TCEANC2: variants seen among roughly 807,000 people sequenced by gnomAD.
The protein encoded by TCEANC2 is transcription elongation factor A N-terminal and central domain containing 2.
A neutral mutation model predicts 22.8 loss-of-function variants in TCEANC2; 20 were observed. That is an observed-to-expected ratio of 0.88 (90% CI 0.62 to 1.28). The LOEUF is 1.28. Ranked by LOEUF, TCEANC2 falls within the 50% of genes most tolerant of loss-of-function variation. The pLI is 0.00. For missense variants in TCEANC2, 251 were observed against 249.7 expected (o/e 1.01, Z -0.03); for synonymous variants, 84 against 95.5 (o/e 0.88, Z 0.70).
chr1:54,086,078 A>T (rs1411267048), intron 3 of TCEANC2, among the ~76,000 whole-genome samples: 1 of 152,090 alleles, frequency 6.6e-6, no homozygotes, highest in African/African-American at 2.4e-5. Context: ...TTTCCATCTC[A>T]TAATAAGGTA....
At position 54,080,438 on chromosome 1, in the gene TCEANC2, G is replaced by A. The variant is rs570105925; in HGVS notation, c.245-8159G>A. Among the ~76,000 whole-genome samples the A allele has an allele frequency of 5.0e-3, 759 of 152,266 alleles. 7 individuals are homozygous for A. Among genetic ancestry groups the A allele is most frequent in the Non-Finnish European group, 9.0e-3 (612 of 68,022 alleles). On this transcript the variant is annotated intron_variant, in intron 3 of 4. Coordinates refer to ENST00000234827, the MANE Select transcript of TCEANC2 (RefSeq NM_153035.3). ...TGGGATTACAGGCGTGAGCCACTGC[G>A]CCTGGCTGAGTTATTATTAAGACCA...
At chr1:54,054,668 GC>G in intron 2 of TCEANC2, 144 bp downstream of exon 2, 1 of 796,006 alleles carries the variant, frequency 1.3e-6, no homozygotes, top group Non-Finnish European at 1.9e-6. Context: ...CCTTTGTTTC[GC>G]CCATAGCTGT....
In TCEANC2 at chr1:54,098,593, TAA is replaced by T. The variant is rs1658601063; in HGVS notation, c.*2121_*2122del. On this transcript the variant is annotated 3_prime_UTR_variant, in exon 5 of 5. Transcript: ENST00000234827. ...TGTCTATCTCCCCACTCCCAGAATG[TAA>T]GCTTCATGAAAGCAGAGTCTCTGTT... The T allele has an allele frequency of 6.6e-6, 1 of 152,240 alleles. No homozygotes were observed. The highest frequency in any genetic ancestry group is 1.5e-5 in the Non-Finnish European group (1 of 68,062). 9.4% of individuals were successfully genotyped at this position (152,240 alleles called of 1,614,324 possible).
chr1:54,104,469 T>C lies in TCEANC2; in HGVS notation c.*7996T>C. The C allele has an allele frequency of 2.7e-6, 1 of 375,280 alleles. No individual in the cohort carries two copies. The highest frequency in any genetic ancestry group is 2.0e-5 in the South Asian group (1 of 50,056). 23.2% of individuals were successfully genotyped at this position (375,280 alleles called of 1,614,324 possible). The stretch of plus-strand genomic sequence containing the variant: ...AGGAGGTACAGCTGCTGTTAAGCAA[T>C]GGAGGGAAGGGAGGTATATCTTTGG... On this transcript the variant is annotated 3_prime_UTR_variant, in exon 5 of 5. Transcript: ENST00000234827.
At chr1:54,083,483 G>T (rs185415169) in intron 3 of TCEANC2, among the ~76,000 whole-genome samples, 105 of 152,328 alleles carry the variant, frequency 6.9e-4, no homozygotes, top group Admixed American at 4.7e-3. Flanking sequence ...CAGTAAGAAA[G>T]CCAGTGTCAG....
intron 3 of TCEANC2, 47 bp downstream of exon 3, chr1:54,068,944 C>G: frequency 6.9e-7 from 1 of 1,445,154 alleles, no homozygotes; most frequent in Non-Finnish European, 9.1e-7. Context: ...TATATTTTGT[C>G]TCCCTTCTTC....
In TCEANC2 at chr1:54,104,624, C is replaced by T. The variant is rs981732571; in HGVS notation, c.*8151C>T. 2 of 447,250 alleles carry T rather than the reference C, an allele frequency of 4.5e-6. No individual in the cohort carries two copies. The highest frequency in any genetic ancestry group is 7.1e-5 in the East Asian group (1 of 14,178). 27.7% of individuals were successfully genotyped at this position (447,250 alleles called of 1,614,324 possible). A position where few individuals can be genotyped will look rare whatever the true frequency, so the allele number is the denominator to read the frequency against. On this transcript the variant is annotated 3_prime_UTR_variant, in exon 5 of 5. Coordinates refer to ENST00000234827, the MANE Select transcript of TCEANC2 (RefSeq NM_153035.3). ...TGGCACCATCTCGGCTCACTGCAACCTCTGCCTCCTGGGTTCAAGCTATTC... is the reference window on the plus strand; with the variant it reads ...TGGCACCATCTCGGCTCACTGCAACTTCTGCCTCCTGGGTTCAAGCTATTC...
chr1:54,055,071 G>A (rs1019260234), intron 2 of TCEANC2, among the ~76,000 whole-genome samples: 12 of 151,894 alleles, frequency 7.9e-5, no homozygotes, highest in African/African-American at 2.4e-4. Context: ...TCCACCTCCC[G>A]GCTTCATATG....
intron 3 of TCEANC2, among the ~76,000 whole-genome samples, chr1:54,083,379 A>G (rs1364851256): frequency 4.6e-5 from 7 of 152,322 alleles, no homozygotes; most frequent in South Asian, 2.1e-4. Context: ...ATAATTAAAG[A>G]TTGGGCAAAG....
At chr1:54,076,082 A>AT (rs972194091) in intron 3 of TCEANC2, among the ~76,000 whole-genome samples, 9 of 151,666 alleles carry the variant, frequency 5.9e-5, no homozygotes, top group African/African-American at 9.7e-5. Context: ...TTTTATGAGT[A>AT]TTTTTTTGTT....
At chr1:54,053,808 G>A (rs893029223) in intron 1 of TCEANC2, 50 bp downstream of exon 1, 1 of 153,278 alleles carries the variant, frequency 6.5e-6, no homozygotes, top group African/African-American at 2.4e-5. Flanking sequence ...GGGCTCCTGA[G>A]TGCTGGGAAC....
At chr1:54,060,624 A>G (rs771629480) in intron 2 of TCEANC2, among the ~76,000 whole-genome samples, 1 of 152,004 alleles carries the variant, frequency 6.6e-6, no homozygotes, top group African/African-American at 2.4e-5. Context: ...CAGAATTGTC[A>G]TATAGACAAT....
intron 2 of TCEANC2, among the ~76,000 whole-genome samples, chr1:54,062,117 C>G (rs1033708332): frequency 1.3e-5 from 2 of 152,190 alleles, no homozygotes; most frequent in African/African-American, 4.8e-5. Context: ...TTGCCTCCTG[C>G]CCCCACCAGT....
chr1:54,093,892 C>T (rs1316113426), intron 4 of TCEANC2, among the ~76,000 whole-genome samples: 1 of 152,114 alleles, frequency 6.6e-6, no homozygotes, highest in East Asian at 1.9e-4. Flanking sequence ...GACTAACCAG[C>T]CTCATACCGG....
chr1:54,058,085 G>A (rs1657786043), intron 2 of TCEANC2, among the ~76,000 whole-genome samples: 1 of 152,036 alleles, frequency 6.6e-6, no homozygotes, highest in South Asian at 2.1e-4. Flanking sequence ...TATAAAATGG[G>A]GATTAATAAT....
At chr1:54,065,696 G>A (rs921001464) in intron 2 of TCEANC2, among the ~76,000 whole-genome samples, 3 of 151,638 alleles carry the variant, frequency 2.0e-5, no homozygotes, top group Non-Finnish European at 4.4e-5. Context: ...CTGGGCAACA[G>A]AGCATGACTC....
chr1:54,082,734 G>A (rs934688806), intron 3 of TCEANC2, among the ~76,000 whole-genome samples: 17 of 152,118 alleles, frequency 1.1e-4, no homozygotes, highest in Non-Finnish European at 2.2e-4. Flanking sequence ...GAAGGAGGGC[G>A]ACATGGTGAC....
intron 1 of TCEANC2, chr1:54,054,172 C>A: frequency 7.7e-7 from 1 of 1,302,806 alleles, no homozygotes; most frequent in African/African-American, 1.5e-5. Flanking sequence ...CTAGGAACCT[C>A]CTAACTCAGG....
intron 2 of TCEANC2, among the ~76,000 whole-genome samples, chr1:54,061,477 A>G (rs1657854734): frequency 6.6e-6 from 1 of 152,196 alleles, no homozygotes. Flanking sequence ...GAGGAGGATG[A>G]TAGTAGTAAT....
Sources: allele counts gnomAD v4.1 joint callset (sites outside exome capture counted in the v4.1 genomes callset), GRCh38; gene constraint gnomAD v4.1.1; transcripts MANE v1.5; gene names NCBI Gene and HGNC (gene_info 2026-07-23, HGNC 2026-07-21).